Variants in EXT1 observed in about 807,000 individuals in gnomAD.
The protein encoded by EXT1 is exostosin-1.
In EXT1, 20 loss-of-function variants were observed where a neutral mutation model predicts 82.5. That is an observed-to-expected ratio of 0.24 (90% CI 0.17 to 0.35). EXT1 has a LOEUF of 0.35. Among genes scored for constraint, EXT1 ranks in the 10% least tolerant of loss-of-function variants. The pLI is 1.00. For missense variants in EXT1, 757 were observed against 936.5 expected (o/e 0.81, Z 2.50); for synonymous variants, 348 against 350.8 (o/e 0.99, Z 0.09).
intron 1 of EXT1, among the ~76,000 whole-genome samples, chr8:118,009,762 A>G (rs1319324459): frequency 6.6e-6 from 1 of 152,162 alleles, no homozygotes; most frequent in South Asian, 2.1e-4. Flanking sequence ...GAGTCTAACT[A>G]CTGCCTGATG....
rs576083901 is a variant in EXT1 at position 117,878,700 on chromosome 8, C to A, written c.963-41499G>T. On this transcript the variant is annotated intron_variant, in intron 1 of 10. Coordinates refer to ENST00000378204, the MANE Select transcript of EXT1 (RefSeq NM_000127.3). Reference sequence around the variant, plus strand: ...AGAATATCCAGTGCTGTAAATGCAACTACCTCAATGCCCTTTCTTATTCTC... The same window carrying A: ...AGAATATCCAGTGCTGTAAATGCAAATACCTCAATGCCCTTTCTTATTCTC... 6.6e-5 allele frequency among the ~76,000 whole-genome samples: 10 copies of A among 152,346 alleles called. 1 individual carries two copies. In the South Asian group the frequency reaches 1.9e-3, roughly 28 times the overall value.
chr8:117,932,461 C>A (rs551121475), intron 1 of EXT1, among the ~76,000 whole-genome samples: 1 of 152,112 alleles, frequency 6.6e-6, no homozygotes, highest in Admixed American at 6.5e-5. Flanking sequence ...AAATGCTATA[C>A]CATACAACTG....
intron 1 of EXT1, among the ~76,000 whole-genome samples, chr8:118,065,304 T>C (rs925581925): frequency 2.0e-5 from 3 of 152,184 alleles, no homozygotes; most frequent in Non-Finnish European, 4.4e-5. Flanking sequence ...CTTTTAAATA[T>C]GCTTCTAGAT....
chr8:117,822,109 A>G (rs1318955025), intron 5 of EXT1, among the ~76,000 whole-genome samples: 1 of 150,094 alleles, frequency 6.7e-6, no homozygotes, highest in African/African-American at 2.4e-5. Flanking sequence ...TGGGATTGTG[A>G]AAAAAAAAAT....
intron 1 of EXT1, among the ~76,000 whole-genome samples, chr8:117,859,811 T>C (rs926451204): frequency 6.6e-6 from 1 of 152,190 alleles, no homozygotes; most frequent in African/African-American, 2.4e-5. Context: ...GTGGTATGTA[T>C]GTATATACCA....
In EXT1 at chr8:117,804,909, A is replaced by G. The variant is rs1208997896; in HGVS notation, c.1884-16T>C. 2.5e-6 allele frequency: 4 copies of G among 1,613,552 alleles called. No homozygotes were observed. In the African/African-American group the frequency reaches 5.3e-5, roughly 22 times the overall value. ...GTGATAATATCTGTAAAAATCAAAG[A>G]TGGGTTTCACAGGGGGCCATTATCA... On this transcript the variant is annotated splice_polypyrimidine_tract_variant and intron_variant, in intron 9 of 10. Coordinates refer to ENST00000378204, the MANE Select transcript of EXT1 (RefSeq NM_000127.3).
At chr8:117,920,787 T>C (rs755279032) in intron 1 of EXT1, among the ~76,000 whole-genome samples, 4 of 152,158 alleles carry the variant, frequency 2.6e-5, no homozygotes, top group Non-Finnish European at 5.9e-5. Context: ...GCCACAATTG[T>C]GCTGGGTGGA....
intron 1 of EXT1, among the ~76,000 whole-genome samples, chr8:117,945,377 T>C (rs1209552008): frequency 1.3e-5 from 2 of 152,114 alleles, no homozygotes; most frequent in Non-Finnish European, 2.9e-5. Context: ...ACCCTGGTGA[T>C]TTTTTAGTCT....
chr8:118,107,514 C>A (rs1817821618), intron 1 of EXT1, among the ~76,000 whole-genome samples: 1 of 152,126 alleles, frequency 6.6e-6, no homozygotes. Flanking sequence ...ATCGCCTCCA[C>A]CCAAAACGCT....
intron 1 of EXT1, among the ~76,000 whole-genome samples, chr8:117,871,571 G>A (rs891522088): frequency 1.3e-5 from 2 of 152,270 alleles, no homozygotes; most frequent in South Asian, 2.1e-4. Flanking sequence ...ACACAAGAGC[G>A]GGACCTCACT....
rs560425550 is a variant in EXT1 at position 118,056,341 on chromosome 8, G to C, written c.962+53744C>G. Among the ~76,000 whole-genome samples the C allele has an allele frequency of 5.0e-4, 76 of 152,296 alleles. No homozygotes were observed. The South Asian group carries it at 0.011, about 22-fold the overall frequency. ...CCCTGGGTCTAACAGGACAGCACTA[G>C]TGAGAACATGCTGCAGTCTTCTAAC... On this transcript the variant is annotated intron_variant, in intron 1 of 10. Transcript: ENST00000378204.
chr8:117,944,788 A>G (rs1814354256), intron 1 of EXT1, among the ~76,000 whole-genome samples: 1 of 152,184 alleles, frequency 6.6e-6, no homozygotes, highest in African/African-American at 2.4e-5. Context: ...ATTATTATTG[A>G]CATTGTTATA....
chr8:117,902,322 C>T (rs144060460), intron 1 of EXT1, among the ~76,000 whole-genome samples: 7,514 of 152,146 alleles, frequency 0.049, 238 homozygotes, highest in Non-Finnish European at 0.076. Context: ...ATAGTAAATA[C>T]GTAAACCAGT....
At chr8:117,997,222 C>T (rs143409552) in intron 1 of EXT1, among the ~76,000 whole-genome samples, 3 of 149,490 alleles carry the variant, frequency 2.0e-5, no homozygotes, top group Non-Finnish European at 4.4e-5. Context: ...ATTGGCCCTT[C>T]CCCGTATGGT....
chr8:117,891,562 G>A (rs1447225903), intron 1 of EXT1, among the ~76,000 whole-genome samples: 1 of 152,102 alleles, frequency 6.6e-6, no homozygotes, highest in Non-Finnish European at 1.5e-5. Context: ...AAGACAGAGT[G>A]GGTGTGATCA....
At chr8:118,003,492 T>C (rs1258914637) in intron 1 of EXT1, among the ~76,000 whole-genome samples, 1 of 152,212 alleles carries the variant, frequency 6.6e-6, no homozygotes, top group East Asian at 1.9e-4. Context: ...ATCTGGATTC[T>C]TTAAGTCAAG....
intron 1 of EXT1, among the ~76,000 whole-genome samples, chr8:117,996,585 T>C (rs1175059978): frequency 6.6e-6 from 1 of 152,238 alleles, no homozygotes; most frequent in African/African-American, 2.4e-5. Context: ...CCTATCTTAA[T>C]GCTTGGCCCC....
At chr8:117,977,212 C>A (rs556173429) in intron 1 of EXT1, among the ~76,000 whole-genome samples, 3 of 151,928 alleles carry the variant, frequency 2.0e-5, no homozygotes, top group South Asian at 4.2e-4. Flanking sequence ...CATGGTGAAA[C>A]CCTGTCTCTA....
chr8:117,983,260 G>A (rs1815244865), intron 1 of EXT1, among the ~76,000 whole-genome samples: 1 of 152,140 alleles, frequency 6.6e-6, no homozygotes, highest in Non-Finnish European at 1.5e-5. Flanking sequence ...GAGGTGGGAG[G>A]ATTGTTCGAG....
Sources: gnomAD v4.1 joint callset for allele counts (sites outside exome capture counted in the v4.1 genomes callset) on GRCh38, gnomAD v4.1.1 for gene constraint, MANE v1.5 for transcripts, NCBI Gene and HGNC (gene_info 2026-07-23, HGNC 2026-07-21) for gene names.